FAR2: variants seen among roughly 807,000 people sequenced by gnomAD.
FAR2 encodes the protein fatty acyl-CoA reductase 2.
A neutral mutation model predicts 56.0 loss-of-function variants in FAR2; 19 were observed. That is an observed-to-expected ratio of 0.34 (90% confidence interval 0.24 to 0.50). The LOEUF is 0.50. Ranked by LOEUF, FAR2 falls within the 20% of genes least tolerant of loss-of-function variation. FAR2 has a pLI of 0.98. For synonymous variants in FAR2, 219 were observed against 218.8 expected (o/e 1.00, Z -0.01); for missense variants, 508 against 642.2 (o/e 0.79, Z 2.26).
In FAR2 at chr12:29,273,868, CCT is replaced by C. The variant is rs748817225; in HGVS notation, c.189+3232_189+3233del. Among the ~76,000 whole-genome samples, 84 of 152,194 alleles carry C rather than the reference CCT, an allele frequency of 5.5e-4. 1 individual carries two copies. The highest frequency in any genetic ancestry group is 9.2e-4 in the Admixed American group (14 of 15,286). On this transcript the variant is annotated intron_variant, in intron 2 of 11. Transcript: ENST00000536681. ...GGCCGGGTAGCATGCTCACTCACCA[CCT>C]CCCTTGGCTGGGGAGAGGGGACTCC...
chr12:29,209,739 A>G (rs960137399), intron 1 of FAR2, among the ~76,000 whole-genome samples: 3 of 151,600 alleles, frequency 2.0e-5, no homozygotes, highest in Non-Finnish European at 4.4e-5. Context: ...TAAAAGAAAG[A>G]ATAAAAGAAT....
intron 1 of FAR2, among the ~76,000 whole-genome samples, chr12:29,243,300 C>A (rs1436768939): frequency 1.3e-5 from 2 of 152,144 alleles, no homozygotes; most frequent in African/African-American, 4.8e-5. Flanking sequence ...CCTGGATTGT[C>A]ACTGGAGATA....
At chr12:29,207,011 C>T (rs1012758922) in intron 1 of FAR2, among the ~76,000 whole-genome samples, 2 of 151,918 alleles carry the variant, frequency 1.3e-5, no homozygotes, top group Admixed American at 6.6e-5. Flanking sequence ...TTTGGTCTGC[C>T]AACCAAAGCT....
rs533274721 is a variant in FAR2, at chr12:29,177,804, T to C, written c.-39+28397T>C. ...TGAGATTACATGTAATTATTAACTT[T>C]ATAATTAAATAGCTATTGTAGTATA... On this transcript the variant is annotated intron_variant, in intron 1 of 11. Transcript: ENST00000536681. Among the ~76,000 whole-genome samples the C allele has an allele frequency of 1.6e-4, 24 of 149,998 alleles. No individual in the cohort carries two copies. In the East Asian group the frequency reaches 4.4e-3, roughly 27 times the overall value.
At chr12:29,294,944 A>G (rs1238218380) in intron 3 of FAR2, among the ~76,000 whole-genome samples, 69 of 151,968 alleles carry the variant, frequency 4.5e-4, no homozygotes, top group Non-Finnish European at 5.9e-5. Flanking sequence ...TCTTTATCTG[A>G]TATAAAGCTC....
chr12:29,235,588 G>T (rs1466822601), intron 1 of FAR2, among the ~76,000 whole-genome samples: 1 of 152,144 alleles, frequency 6.6e-6, no homozygotes, highest in Non-Finnish European at 1.5e-5. Context: ...TTTACCAATG[G>T]CTGAGCTTTT....
intron 10 of FAR2, among the ~76,000 whole-genome samples, chr12:29,331,278 G>A (rs1314515965): frequency 2.0e-5 from 3 of 151,466 alleles, no homozygotes; most frequent in Admixed American, 6.6e-5. Flanking sequence ...TATGTCCAAG[G>A]AGAGAGAAGA....
intron 1 of FAR2, among the ~76,000 whole-genome samples, chr12:29,182,938 C>CT (rs11298420): frequency 7.6e-6 from 1 of 131,006 alleles, no homozygotes; most frequent in African/African-American, 2.8e-5. Flanking sequence ...TACTCATTGT[C>CT]TTTTTTTTTT....
rs1948166211 is a variant in FAR2 at position 29,248,772 on chromosome 12, C to CG, written c.-38-21636dup. On this transcript the variant is annotated intron_variant, in intron 1 of 11. Coordinates refer to ENST00000536681, the MANE Select transcript of FAR2 (RefSeq NM_001271783.2). ...GACCATAAAAGATGGCCACGCCCAGCGGGGCCAGTTTAGAGACCCACCCCC... is the reference window on the plus strand; with the variant it reads ...GACCATAAAAGATGGCCACGCCCAGCGGGGGCCAGTTTAGAGACCCACCCCC... Among the ~76,000 whole-genome samples, 3 of 152,128 alleles carry CG rather than the reference C, an allele frequency of 2.0e-5. No homozygotes were observed. In the South Asian group the frequency reaches 6.2e-4, roughly 32 times the overall value.
chr12:29,160,508 C>T (rs925525410), intron 1 of FAR2, among the ~76,000 whole-genome samples: 1 of 152,184 alleles, frequency 6.6e-6, no homozygotes, highest in Non-Finnish European at 1.5e-5. Flanking sequence ...TAACTTCCTG[C>T]TATATGGCTG....
At chr12:29,265,060 A>G (rs1014359403) in intron 1 of FAR2, among the ~76,000 whole-genome samples, 4 of 152,256 alleles carry the variant, frequency 2.6e-5, no homozygotes, top group Middle Eastern at 3.2e-3. Context: ...TTCCATGTTC[A>G]TGTGTTGGAA....
At chr12:29,233,455 T>C (rs1947890638) in intron 1 of FAR2, among the ~76,000 whole-genome samples, 1 of 152,208 alleles carries the variant, frequency 6.6e-6, no homozygotes. Context: ...CATCCATTGC[T>C]ACCTCAAAAG....
chr12:29,275,106 G>T (rs1012307974), intron 2 of FAR2, among the ~76,000 whole-genome samples: 1 of 151,122 alleles, frequency 6.6e-6, no homozygotes, highest in East Asian at 2.0e-4. Flanking sequence ...AACAGGCTTT[G>T]TGTGAGCAAT....
chr12:29,149,647 G>T (rs1949665137), intron 1 of FAR2, among the ~76,000 whole-genome samples: 1 of 152,252 alleles, frequency 6.6e-6, no homozygotes, highest in African/African-American at 2.4e-5. Flanking sequence ...TTTACGCGCG[G>T]TTGGCGTCGG....
chr12:29,188,428 GT>G (rs1454141053), intron 1 of FAR2, among the ~76,000 whole-genome samples: 1 of 152,040 alleles, frequency 6.6e-6, no homozygotes, highest in East Asian at 1.9e-4. Context: ...TTTTTTAAAA[GT>G]TTTTAAGATG....
intron 1 of FAR2, among the ~76,000 whole-genome samples, chr12:29,194,272 G>T (rs1229905150): frequency 6.6e-6 from 1 of 152,058 alleles, no homozygotes; most frequent in Non-Finnish European, 1.5e-5. Context: ...AACTTCTCAG[G>T]TTCTGAAATT....
At chr12:29,164,353 G>T (rs1949807450) in intron 1 of FAR2, among the ~76,000 whole-genome samples, 1 of 152,126 alleles carries the variant, frequency 6.6e-6, no homozygotes, top group Non-Finnish European at 1.5e-5. Flanking sequence ...TCTCATGCCT[G>T]CATCTAGACA....
At position 29,285,717 on chromosome 12, in the gene FAR2, G is replaced by A. The variant is rs531459804; in HGVS notation, c.190-7583G>A. 5.3e-5 allele frequency among the ~76,000 whole-genome samples: 8 copies of A among 152,168 alleles called. No individual in the cohort carries two copies. In the South Asian group the frequency reaches 1.5e-3, roughly 28 times the overall value. On this transcript the variant is annotated intron_variant, in intron 2 of 11. Transcript: ENST00000536681. Reference sequence around the variant, plus strand: ...AGACAGATCACAAGGTGAGGAGATCGAGACCATTCTGGCCAACATAATGAA... The same window carrying A: ...AGACAGATCACAAGGTGAGGAGATCAAGACCATTCTGGCCAACATAATGAA...
chr12:29,292,732 G>T (rs914301421), intron 2 of FAR2, among the ~76,000 whole-genome samples: 2 of 152,102 alleles, frequency 1.3e-5, no homozygotes, highest in Non-Finnish European at 2.9e-5. Context: ...ATATTGATCT[G>T]GCAAGTTAAC....
Sources: allele counts gnomAD v4.1 joint callset (sites outside exome capture counted in the v4.1 genomes callset), GRCh38; gene constraint gnomAD v4.1.1; transcripts MANE v1.5; gene names NCBI Gene and HGNC (gene_info 2026-07-23, HGNC 2026-07-21).